The following FGF1 variants were observed in gnomAD, a reference collection of about 807,000 sequenced individuals.
The protein encoded by FGF1 is beta-endothelial cell growth factor.
A neutral mutation model predicts 13.4 loss-of-function variants in FGF1; 9 were observed. The observed-to-expected ratio is 0.67, with a 90% CI of 0.40 to 1.17. FGF1 has a LOEUF of 1.17. FGF1 is among the 50% of genes most tolerant of loss of function. The pLI is 0.01. For synonymous variants in FGF1, 93 were observed against 79.0 expected, an observed-to-expected ratio of 1.18 and a Z score of -0.94; for missense variants, 156 against 192.7, an observed-to-expected ratio of 0.81 and a Z score of 1.13.
chr5:142,684,463 T>A (rs1180323043), intron 1 of FGF1, among the ~76,000 whole-genome samples: 1 of 152,212 alleles, frequency 6.6e-6, no homozygotes, highest in Non-Finnish European at 1.5e-5. Context: ...CATACTTCAT[T>A]TGCAAACCCA....
At chr5:142,655,564 T>C (rs1472200544) in intron 1 of FGF1, among the ~76,000 whole-genome samples, 4 of 152,192 alleles carry the variant, frequency 2.6e-5, no homozygotes, top group Non-Finnish European at 5.9e-5. Context: ...AAATTACTAA[T>C]TCCCGACAGT....
At chr5:142,655,933 T>A (rs1026029426) in intron 1 of FGF1, among the ~76,000 whole-genome samples, 1 of 152,256 alleles carries the variant, frequency 6.6e-6, no homozygotes, top group African/African-American at 2.4e-5. Flanking sequence ...AGAGACTGTT[T>A]ACACTTCAGC....
chr5:142,596,716 G>A (rs1316512257), intron 3 of FGF1, among the ~76,000 whole-genome samples: 2 of 148,746 alleles, frequency 1.3e-5, no homozygotes, highest in Admixed American at 6.6e-5. Flanking sequence ...CTGCACTCTA[G>A]TCTGGGTGAC....
At chr5:142,643,728 T>G (rs1035307370) in intron 1 of FGF1, among the ~76,000 whole-genome samples, 10 of 152,302 alleles carry the variant, frequency 6.6e-5, no homozygotes, top group African/African-American at 2.4e-4. Context: ...TGGCCCTCAC[T>G]TTTTCATGTT....
intron 1 of FGF1, among the ~76,000 whole-genome samples, chr5:142,638,264 G>A (rs1055731005): frequency 1.3e-5 from 2 of 151,928 alleles, no homozygotes; most frequent in Non-Finnish European, 2.9e-5. Context: ...CTCACCTTGA[G>A]CCTTTGAACT....
At chr5:142,695,819 T>G (rs565342886) in intron 2 of FGF1, among the ~76,000 whole-genome samples, 1 of 152,182 alleles carries the variant, frequency 6.6e-6, no homozygotes, top group East Asian at 1.9e-4. Flanking sequence ...CATGAAGTTC[T>G]TAAAGAACAT....
chr5:142,624,081 G>A (rs1016613786), intron 1 of FGF1, among the ~76,000 whole-genome samples: 17 of 151,990 alleles, frequency 1.1e-4, no homozygotes, highest in Non-Finnish European at 1.8e-4. Context: ...TACCATACCT[G>A]GCTAATTTTT....
chr5:142,633,975 G>A (rs1040515510), intron 1 of FGF1, among the ~76,000 whole-genome samples: 3 of 151,048 alleles, frequency 2.0e-5, no homozygotes, highest in Non-Finnish European at 4.4e-5. Context: ...ACGAGGTCAG[G>A]AGATCGAGAT....
intron 1 of FGF1, among the ~76,000 whole-genome samples, chr5:142,666,249 A>G (rs79306506): frequency 1 from 86,452 of 86,452 alleles, 43,226 homozygotes; most frequent in Non-Finnish European, 1. Flanking sequence ...ACCCCACCAG[A>G]ATGACTCTAA....
intron 1 of FGF1, among the ~76,000 whole-genome samples, chr5:142,638,095 T>C (rs1385157121): frequency 1.2e-4 from 18 of 152,000 alleles, no homozygotes; most frequent in Admixed American, 1.2e-3. Context: ...TTCATTCCAG[T>C]CATTTCCTGA....
intron 1 of FGF1, among the ~76,000 whole-genome samples, chr5:142,642,384 G>A (rs1765342303): frequency 6.6e-6 from 1 of 152,200 alleles, no homozygotes; most frequent in South Asian, 2.1e-4. Context: ...AGGCCTGAGG[G>A]GATAGTTCTG....
At chr5:142,603,427 C>A (rs1757009646) in intron 2 of FGF1, among the ~76,000 whole-genome samples, 1 of 152,216 alleles carries the variant, frequency 6.6e-6, no homozygotes, top group East Asian at 1.9e-4. Flanking sequence ...TCCTCCTCTG[C>A]CCCTTGTTTC....
chr5:142,630,957 T>C (rs1763277311), intron 1 of FGF1, among the ~76,000 whole-genome samples: 5 of 152,230 alleles, frequency 3.3e-5, no homozygotes, highest in Admixed American at 2.6e-4. Context: ...CACGCTGGAC[T>C]GTAAGCTGCT....
intron 1 of FGF1, among the ~76,000 whole-genome samples, chr5:142,657,319 G>A (rs1481721822): frequency 2.6e-5 from 4 of 152,156 alleles, no homozygotes; most frequent in Admixed American, 6.5e-5. Context: ...AACTTGCTAA[G>A]TTCTCTCTCC....
intron 1 of FGF1, among the ~76,000 whole-genome samples, chr5:142,618,609 T>C (rs560915868): frequency 1.3e-5 from 2 of 152,312 alleles, no homozygotes; most frequent in Non-Finnish European, 2.9e-5. Context: ...AGTTTTTCAT[T>C]CCCATATTTG....
At chr5:142,597,723 A>G (rs1755610043) in intron 3 of FGF1, among the ~76,000 whole-genome samples, 2 of 152,118 alleles carry the variant, frequency 1.3e-5, no homozygotes, top group African/African-American at 4.8e-5. Context: ...GCGGTTTCCA[A>G]TTATATTGTT....
chr5:142,633,560 C>G (rs1763714895), intron 1 of FGF1, among the ~76,000 whole-genome samples: 1 of 152,190 alleles, frequency 6.6e-6, no homozygotes, highest in African/African-American at 2.4e-5. Context: ...CATGGAATTT[C>G]CCTGCACCCA....
At chr5:142,598,120 TAGA>T (rs1436028973) in intron 3 of FGF1, among the ~76,000 whole-genome samples, 1 of 152,026 alleles carries the variant, frequency 6.6e-6, no homozygotes, top group Non-Finnish European at 1.5e-5. Flanking sequence ...TTGTTGGGGG[TAGA>T]AGGAGGTAGA....
intron 1 of FGF1, among the ~76,000 whole-genome samples, chr5:142,652,756 C>T (rs1046387265): frequency 2.0e-5 from 3 of 152,228 alleles, no homozygotes; most frequent in South Asian, 2.1e-4. Context: ...GGTGCCTCGG[C>T]GGTGGCCGCA....
Sources: allele counts gnomAD v4.1 joint callset (sites outside exome capture counted in the v4.1 genomes callset), GRCh38; gene constraint gnomAD v4.1.1; transcripts MANE v1.5; gene names NCBI Gene and HGNC (gene_info 2026-07-23, HGNC 2026-07-21).